The following CDH18 variants were observed in gnomAD, a reference collection of about 807,000 sequenced individuals.
CDH18 encodes the protein cadherin-18.
In CDH18, 31 loss-of-function variants were observed where a neutral mutation model predicts 67.9. That is an observed-to-expected ratio of 0.46 (90% CI 0.34 to 0.62). The LOEUF (loss-of-function observed/expected upper bound fraction) is 0.62. CDH18 is among the 20% of genes least tolerant of loss of function. CDH18 has a pLI of 0.01. For synonymous variants in CDH18, 362 were observed against 347.2 expected (o/e 1.04, Z -0.48); for missense variants, 890 against 975.5 (o/e 0.91, Z 1.17).
At chr5:19,550,784 T>C (rs1228995396) in intron 8 of CDH18, among the ~76,000 whole-genome samples, 4 of 152,162 alleles carry the variant, frequency 2.6e-5, no homozygotes, top group Admixed American at 2.6e-4. Context: ...TACCCAGTAA[T>C]GGGATGGCTG....
chr5:20,022,402 T>C (rs1432503181), intron 2 of CDH18, among the ~76,000 whole-genome samples: 1 of 152,204 alleles, frequency 6.6e-6, no homozygotes, highest in Non-Finnish European at 1.5e-5. Flanking sequence ...AGTGTTTATA[T>C]GAATGATATT....
chr5:19,978,474 T>C (rs781355275), intron 2 of CDH18, among the ~76,000 whole-genome samples: 1 of 152,088 alleles, frequency 6.6e-6, no homozygotes, highest in Non-Finnish European at 1.5e-5. Context: ...CTTCAGAAAC[T>C]CAATATGCTA....
At chr5:20,008,412 A>G (rs1737113196) in intron 2 of CDH18, among the ~76,000 whole-genome samples, 1 of 152,150 alleles carries the variant, frequency 6.6e-6, no homozygotes, top group South Asian at 2.1e-4. Context: ...AAATCTATAA[A>G]TGTGGAGTGA....
Position 20,033,557 on chromosome 5 carries a change from T to C in CDH18, c.-517-41543A>G, listed in dbSNP as rs576511653. Reference sequence around the variant, plus strand: ...ATTCTGTAATCATTTCTGCCTAATGTGGCTGTAGTGATCATTTTTTCTTCC... The same window carrying C: ...ATTCTGTAATCATTTCTGCCTAATGCGGCTGTAGTGATCATTTTTTCTTCC... On this transcript the variant is annotated intron_variant, in intron 2 of 14. Transcript: ENST00000507958. Among the ~76,000 whole-genome samples, 6 of 152,214 alleles carry C rather than the reference T, an allele frequency of 3.9e-5. No individual in the cohort carries two copies. The East Asian group carries it at 1.2e-3, about 29-fold the overall frequency.
chr5:19,595,005 T>G (rs554092298), intron 6 of CDH18, among the ~76,000 whole-genome samples: 2 of 152,212 alleles, frequency 1.3e-5, no homozygotes, highest in Admixed American at 1.3e-4. Context: ...ACTGTCCTTG[T>G]TTGTAGATAA....
At chr5:20,265,375 G>GA (rs571311826) in intron 1 of CDH18, among the ~76,000 whole-genome samples, 255 of 152,002 alleles carry the variant, frequency 1.7e-3, no homozygotes, top group Middle Eastern at 6.8e-3. Flanking sequence ...TGTTATTTGT[G>GA]AAAAAATATG....
chr5:19,610,402 T>A lies in CDH18; in HGVS notation c.811+2032A>T, dbSNP rs576790826. Reference sequence around the variant, plus strand: ...TCTATATTCATCTATATGAATAATATTCCTTATATCCATCACAATTAAAAT... The same window carrying A: ...TCTATATTCATCTATATGAATAATAATCCTTATATCCATCACAATTAAAAT... On this transcript the variant is annotated intron_variant, in intron 6 of 12. Transcript: ENST00000382275. Among the ~76,000 whole-genome samples, 4 of 152,226 alleles carry A rather than the reference T, an allele frequency of 2.6e-5. No homozygotes were observed. The East Asian group carries it at 7.7e-4, about 29-fold the overall frequency.
chr5:19,870,582 C>T (rs775995619), intron 2 of CDH18, among the ~76,000 whole-genome samples: 3 of 152,048 alleles, frequency 2.0e-5, no homozygotes, highest in Non-Finnish European at 2.9e-5. Flanking sequence ...AAGATTTCTT[C>T]AACTGGAGCC....
chr5:20,567,814 AGTTTTCTTCCTT>A (rs1158906700), intron 1 of CDH18, among the ~76,000 whole-genome samples: 2 of 152,178 alleles, frequency 1.3e-5, no homozygotes, highest in Non-Finnish European at 2.9e-5. Context: ...TGACTGGGAC[AGTTTTCTTCCTT>A]GTCTACTAGA....
chr5:20,035,855 T>C (rs1421324262), intron 2 of CDH18, among the ~76,000 whole-genome samples: 1 of 152,084 alleles, frequency 6.6e-6, no homozygotes, highest in Non-Finnish European at 1.5e-5. Context: ...TAATTTCTGC[T>C]AATAACTATT....
chr5:19,967,117 A>G (rs993813711), intron 2 of CDH18, among the ~76,000 whole-genome samples: 1 of 152,034 alleles, frequency 6.6e-6, no homozygotes, highest in African/African-American at 2.4e-5. Flanking sequence ...AAAAAAATCT[A>G]TAATAAAGGA....
chr5:20,471,096 G>T (rs762799798), intron 1 of CDH18, among the ~76,000 whole-genome samples: 1 of 149,948 alleles, frequency 6.7e-6, no homozygotes, highest in Non-Finnish European at 1.5e-5. Context: ...CTTAAAGTGG[G>T]TATTCTTCTC....
At chr5:19,549,186 G>A (rs1388758111) in intron 8 of CDH18, among the ~76,000 whole-genome samples, 2 of 152,142 alleles carry the variant, frequency 1.3e-5, no homozygotes, top group Admixed American at 1.3e-4. Flanking sequence ...GATTATGGGG[G>A]TGGATCCCTC....
At position 19,493,035 on chromosome 5, in the gene CDH18, C is replaced by T. The variant is rs372160489; in HGVS notation, c.1631-9483G>A. 5.3e-5 allele frequency among the ~76,000 whole-genome samples: 8 copies of T among 152,118 alleles called. No individual in the cohort carries two copies. In the East Asian group the frequency reaches 7.7e-4, roughly 15 times the overall value. On this transcript the variant is annotated intron_variant, in intron 11 of 12. Coordinates refer to ENST00000382275, the MANE Select transcript of CDH18 (RefSeq NM_004934.5). ...TAGATTTTTCCAACCAAGTAATTGA[C>T]GCTGCATTCTGTCATCTCTATGTTG...
chr5:19,923,939 G>A (rs1792792244), intron 2 of CDH18, among the ~76,000 whole-genome samples: 1 of 152,210 alleles, frequency 6.6e-6, no homozygotes, highest in African/African-American at 2.4e-5. Context: ...ATCCCCCGGT[G>A]AGATGTGGCA....
chr5:20,131,874 G>GT lies in CDH18; in HGVS notation c.-518+123569dup, dbSNP rs575222776. Among the ~76,000 whole-genome samples the GT allele has an allele frequency of 2.1e-3, 312 of 150,702 alleles. 2 individuals carry two copies. The highest frequency in any genetic ancestry group is 8.2e-3 in the South Asian group (39 of 4,748). On this transcript the variant is annotated intron_variant, in intron 2 of 14. Transcript: ENST00000507958. ...TTCACATATAGCTTTACAATAAAGT[G>GT]TTTTTTTTTGTTGTTGTTGTTGTTG...
Position 20,491,198 on chromosome 5 carries a change from A to T in CDH18, c.-580+84264T>A, listed in dbSNP as rs189005077. On this transcript the variant is annotated intron_variant, in intron 1 of 14. Transcript: ENST00000507958. ...GATGTTTAGGTATAGTATTTGGTTT[A>T]TTATTATTATTATTATTATTATTAA... 3.4e-4 allele frequency among the ~76,000 whole-genome samples: 46 copies of T among 136,598 alleles called. No homozygotes were observed. In the East Asian group the frequency reaches 8.6e-3, roughly 25 times the overall value. The allele number at this position is 136,598 out of a possible 152,430, so 89.6% of individuals were successfully genotyped here. A position where few individuals can be genotyped will look rare whatever the true frequency, so the allele number is the denominator to read the frequency against.
At chr5:19,817,170 A>T (rs1490503391) in intron 3 of CDH18, among the ~76,000 whole-genome samples, 1 of 151,942 alleles carries the variant, frequency 6.6e-6, no homozygotes, top group African/African-American at 2.4e-5. Context: ...GTACACGGGG[A>T]TATCTTTTTT....
At chr5:19,556,017 A>G in intron 8 of CDH18, among the ~76,000 whole-genome samples, 1 of 152,136 alleles carries the variant, frequency 6.6e-6, no homozygotes, top group East Asian at 1.9e-4. Flanking sequence ...GAGCTAGAGG[A>G]GAAATAACAA....
Sources: gnomAD v4.1 joint callset for allele counts (sites outside exome capture counted in the v4.1 genomes callset) on GRCh38, gnomAD v4.1.1 for gene constraint, MANE v1.5 for transcripts, NCBI Gene and HGNC (gene_info 2026-07-23, HGNC 2026-07-21) for gene names.